The following CUX2 variants were observed in gnomAD, a reference collection of about 807,000 sequenced individuals.
The protein encoded by CUX2 is homeobox protein cut-like 2.
A neutral mutation model predicts 144.8 loss-of-function variants in CUX2; 40 were observed. The observed-to-expected ratio is 0.28, with a 90% confidence interval of 0.21 to 0.36. CUX2 has a LOEUF of 0.36. Ranked by LOEUF, CUX2 falls within the 10% of genes least tolerant of loss-of-function variation. The pLI, the probability that CUX2 is intolerant of heterozygous loss-of-function variation, is 1.00. For missense variants in CUX2, 1,615 were observed against 1,994.0 expected (o/e 0.81, Z 3.62); for synonymous variants, 827 against 875.6 (o/e 0.94, Z 0.98).
intron 1 of CUX2, among the ~76,000 whole-genome samples, chr12:111,125,265 C>T (rs137981583): frequency 0.078 from 11,824 of 151,694 alleles, 1,577 homozygotes; most frequent in African/African-American, 0.27. Flanking sequence ...CTGCAACCTC[C>T]GCCTCTTGGG....
At chr12:111,115,970 G>T (rs1001658539) in intron 1 of CUX2, among the ~76,000 whole-genome samples, 2 of 152,148 alleles carry the variant, frequency 1.3e-5, no homozygotes, top group Admixed American at 1.3e-4. Flanking sequence ...TGAGAACACT[G>T]GCTGTTGTCA....
At chr12:111,092,799 T>C (rs1872619365) in intron 1 of CUX2, among the ~76,000 whole-genome samples, 1 of 148,490 alleles carries the variant, frequency 6.7e-6, no homozygotes, top group Admixed American at 6.7e-5. Flanking sequence ...ACCAAAGCTC[T>C]GGCAGATTTT....
intron 19 of CUX2, 113 bp from the exon 20 acceptor site, chr12:111,338,173 G>A (rs1888435044): frequency 8.7e-7 from 1 of 1,149,200 alleles, no homozygotes; most frequent in Admixed American, 2.4e-5. Flanking sequence ...CGGAGTCAGT[G>A]GAGATAGCCT....
In CUX2 at chr12:111,092,439, A is replaced by G. The variant is rs192935656; in HGVS notation, c.63+58199A>G. Among the ~76,000 whole-genome samples, 29 of 152,294 alleles carry G rather than the reference A, an allele frequency of 1.9e-4. No homozygotes were observed. The East Asian group carries it at 4.4e-3, about 23-fold the overall frequency. On this transcript the variant is annotated intron_variant, in intron 1 of 21. Coordinates refer to ENST00000261726, the MANE Select transcript of CUX2 (RefSeq NM_015267.4). ...CCAGACCCTCAATTTTCATCTCTGT[A>G]AATTGGGCATAATAATAGTACCTTC...
At chr12:111,338,885 C>A (rs1333723151) in intron 20 of CUX2, among the ~76,000 whole-genome samples, 1 of 152,022 alleles carries the variant, frequency 6.6e-6, no homozygotes, top group Non-Finnish European at 1.5e-5. Context: ...TGCAGTAAGA[C>A]CCCATCTCCA....
At chr12:111,346,079 G>C (rs1888790556) in intron 21 of CUX2, among the ~76,000 whole-genome samples, 1 of 147,268 alleles carries the variant, frequency 6.8e-6, no homozygotes, top group Admixed American at 6.9e-5. Flanking sequence ...CTGCACTCCA[G>C]CCTGGCAACA....
chr12:111,104,086 GCTA>G (rs1232935836), intron 1 of CUX2, among the ~76,000 whole-genome samples: 4 of 152,170 alleles, frequency 2.6e-5, no homozygotes, highest in African/African-American at 9.7e-5. Context: ...AAGCGCCACG[GCTA>G]CTACTAAAAG....
intron 4 of CUX2, among the ~76,000 whole-genome samples, chr12:111,279,646 G>A (rs1036708786): frequency 1.3e-5 from 2 of 151,740 alleles, no homozygotes; most frequent in African/African-American, 2.4e-5. Flanking sequence ...TGTGATCATG[G>A]CACTGCCCTC....
chr12:111,316,318 T>TA (rs1421102134), intron 16 of CUX2, among the ~76,000 whole-genome samples: 3 of 149,664 alleles, frequency 2.0e-5, no homozygotes, highest in African/African-American at 7.4e-5. Flanking sequence ...TTTTTTTTTT[T>TA]AATTTTTAGT....
rs775451963 is a variant in CUX2, at chr12:111,348,058, C to G, written c.4194C>G (p.Pro1398=). 5.0e-6 allele frequency: 8 copies of G among 1,613,928 alleles called. No homozygotes were observed. The highest frequency in any genetic ancestry group is 6.8e-6 in the Non-Finnish European group (8 of 1,180,014). ...GCCTGGAGGTGTCACTGAACTCGCC[C>G]TCGGCCGCCTCCTCACCAGGCCTCA... is the stretch of plus-strand genomic sequence containing the variant. The part of the protein sequence containing the change: ...RCSLEVSLNS[P]SAASSPGLMM... Residue 1398 remains proline, a synonymous_variant, in exon 22 of 22, where the codon CCC becomes CCG. Transcript: ENST00000261726.
At chr12:111,070,371 TCCC>T (rs1871203940) in intron 1 of CUX2, among the ~76,000 whole-genome samples, 11 of 102,364 alleles carry the variant, frequency 1.1e-4, no homozygotes, top group African/African-American at 3.5e-4. Context: ...CCTCCCTCCC[TCCC>T]TTCTTCCTTC....
rs75704541 is a variant in CUX2, at chr12:111,207,117, C to T, written c.64-7083C>T. On this transcript the variant is annotated intron_variant, in intron 1 of 21. Transcript: ENST00000261726. Reference sequence around the variant, plus strand: ...AGGGCTTCCAGCCTGGTTAGCACTTCAGTGGTTACTGGCAGCCCCTGCCCA... The same window carrying T: ...AGGGCTTCCAGCCTGGTTAGCACTTTAGTGGTTACTGGCAGCCCCTGCCCA... Among the ~76,000 whole-genome samples, 904 of 152,294 alleles carry T rather than the reference C, an allele frequency of 5.9e-3. 4 individuals carry two copies. Among genetic ancestry groups the T allele is most frequent in the Non-Finnish European group, 0.01 (685 of 68,014 alleles).
chr12:111,254,521 A>T (rs1039140080), intron 3 of CUX2, among the ~76,000 whole-genome samples: 1 of 152,206 alleles, frequency 6.6e-6, no homozygotes, highest in Non-Finnish European at 1.5e-5. Context: ...AAATGAATTA[A>T]TGACTTCCAC....
rs896757036 is a variant in CUX2, at chr12:111,346,462, C to T, written c.3660-1062C>T. On this transcript the variant is annotated intron_variant, in intron 21 of 21. Coordinates refer to ENST00000261726, the MANE Select transcript of CUX2 (RefSeq NM_015267.4). Reference sequence around the variant, plus strand: ...CTGCACTCCAGCCTGGGCAACAGAGCGAGACTCCATCTCAAAAAAAAAAAA... The same window carrying T: ...CTGCACTCCAGCCTGGGCAACAGAGTGAGACTCCATCTCAAAAAAAAAAAA... Among the ~76,000 whole-genome samples, 13 of 144,754 alleles carry T rather than the reference C, an allele frequency of 9.0e-5. No individual in the cohort carries two copies. The East Asian group carries it at 2.2e-3, about 25-fold the overall frequency. 95.0% of individuals were successfully genotyped at this position (144,754 alleles called of 152,430 possible).
chr12:111,036,783 G>T (rs1315767159), intron 1 of CUX2, among the ~76,000 whole-genome samples: 1 of 152,060 alleles, frequency 6.6e-6, no homozygotes, highest in Admixed American at 6.5e-5. Flanking sequence ...AGAAAGCAAA[G>T]AAATAAACGT....
At chr12:111,127,102 A>T (rs1875132133) in intron 1 of CUX2, among the ~76,000 whole-genome samples, 1 of 152,262 alleles carries the variant, frequency 6.6e-6, no homozygotes. Flanking sequence ...ATTGCTTAAT[A>T]TGTATCTTTA....
At position 111,190,886 on chromosome 12, in the gene CUX2, T is replaced by TCACC. The variant is rs1361000921; in HGVS notation, c.64-23313_64-23310dup. ...CACCCTCCAAGGACCCTCCTCACAC[T>TCACC]CACCTCCTGTTCGATGCTGGTCTCC... On this transcript the variant is annotated intron_variant, in intron 1 of 21. Coordinates refer to ENST00000261726, the MANE Select transcript of CUX2 (RefSeq NM_015267.4). The surrounding 1 kb of genome is among the most constrained non-coding windows in gnomAD (Gnocchi z 4.0). Among the ~76,000 whole-genome samples the TCACC allele has an allele frequency of 1.1e-4, 16 of 152,268 alleles. No individual in the cohort carries two copies. The highest frequency in any genetic ancestry group is 3.6e-4 in the African/African-American group (15 of 41,558).
intron 1 of CUX2, among the ~76,000 whole-genome samples, chr12:111,119,374 TG>T (rs1482205909): frequency 6.6e-6 from 1 of 152,006 alleles, no homozygotes; most frequent in Non-Finnish European, 1.5e-5. Context: ...TAGGCTGAGG[TG>T]GGTGGATCGC....
At chr12:111,342,307 G>A (rs548970127) in intron 21 of CUX2, among the ~76,000 whole-genome samples, 11 of 151,926 alleles carry the variant, frequency 7.2e-5, no homozygotes, top group East Asian at 2.0e-4. Flanking sequence ...GGGAGACCTC[G>A]TCTCTACAAA....
Sources: allele counts gnomAD v4.1 joint callset (sites outside exome capture counted in the v4.1 genomes callset), GRCh38; gene constraint gnomAD v4.1.1; non-coding constraint Gnocchi (gnomAD v3.1); transcripts MANE v1.5; gene names NCBI Gene and HGNC (gene_info 2026-07-23, HGNC 2026-07-21).